RRM1: variants seen among roughly 807,000 people sequenced by gnomAD.
The protein encoded by RRM1 is ribonucleotide reductase catalytic subunit M1, also known as ribonucleoside-diphosphate reductase large subunit.
A neutral mutation model predicts 101.5 loss-of-function variants in RRM1; 19 were observed. The ratio of observed to expected loss-of-function variants is 0.19; its 90% CI spans 0.13 to 0.27. RRM1 has a LOEUF of 0.27. RRM1 is among the 10% of genes least tolerant of loss of function. The pLI, the probability that RRM1 is intolerant of heterozygous loss-of-function variation, is 1.00. For synonymous variants in RRM1, 298 were observed against 323.4 expected, an observed-to-expected ratio of 0.92 and a Z score of 0.84; for missense variants, 500 against 962.9, an observed-to-expected ratio of 0.52 and a Z score of 6.36.
intron 10 of RRM1, 152 bp downstream of exon 10, chr11:4,121,917 T>TGTCTC: frequency 2.6e-6 from 2 of 775,956 alleles, no homozygotes; most frequent in South Asian, 4.3e-5. Context: ...GCTTGTCTTC[T>TGTCTC]TATATTTCTA....
Position 4,109,686 on chromosome 11 carries a change from A to C in RRM1, c.430A>C (p.Asn144His), listed in dbSNP as rs771136863. 2 of 1,607,538 alleles carry C rather than the reference A, an allele frequency of 1.2e-6. No homozygotes were observed. The highest frequency in any genetic ancestry group is 2.7e-5 in the African/African-American group (2 of 74,760). Residue 144 changes from asparagine (N) to histidine (H), a missense_variant, in exon 5 of 19, where the codon AAT becomes CAT. Around this residue, in one of 9 missense-constraint regions of RRM1, gnomAD observed 111 missense variants for 219.8 expected, o/e 0.51. Coordinates refer to ENST00000300738, the MANE Select transcript of RRM1 (RefSeq NM_001033.5). ...AIIYDRDFSYNYFGFKTLERS... is the reference protein window; with the variant it reads ...AIIYDRDFSYHYFGFKTLERS... ...TATCTATGACCGAGATTTCTCTTAC[A>C]ATTACTTCGGCTTTAAGGTAAATAA...
At chr11:4,133,055 TA>T (rs2094603086) in intron 16 of RRM1, among the ~76,000 whole-genome samples, 1 of 152,208 alleles carries the variant, frequency 6.6e-6, no homozygotes, top group Admixed American at 6.5e-5. Context: ...TTAATGAAAA[TA>T]TTTTTTCAGC....
Position 4,094,837 on chromosome 11 carries a change from T to G in RRM1, c.-176T>G. Reference sequence around the variant, plus strand: ...ACGGGTGGCGGGCGCGGGAAGGGGATTTGGATTGTTGCGCCTCTGCTCTGA... The same window carrying G: ...ACGGGTGGCGGGCGCGGGAAGGGGAGTTGGATTGTTGCGCCTCTGCTCTGA... On this transcript the variant is annotated 5_prime_UTR_variant, in exon 1 of 19. Transcript: ENST00000300738. The G allele has an allele frequency of 6.2e-6, 4 of 646,240 alleles. No homozygotes were observed. Among genetic ancestry groups the G allele is most frequent in the Non-Finnish European group, 8.2e-6 (3 of 365,754 alleles). The allele number at this position is 646,240 out of a possible 1,614,324, so 40.0% of individuals were successfully genotyped here.
intron 14 of RRM1, among the ~76,000 whole-genome samples, chr11:4,128,255 G>A (rs916904006): frequency 1.3e-5 from 2 of 150,812 alleles, no homozygotes; most frequent in Non-Finnish European, 2.9e-5. Flanking sequence ...CTGCTTCTCA[G>A]GTTGAAGCAG....
intron 1 of RRM1, among the ~76,000 whole-genome samples, chr11:4,099,991 G>A (rs995703441): frequency 6.6e-6 from 1 of 152,064 alleles, no homozygotes; most frequent in Admixed American, 6.6e-5. Flanking sequence ...TTGCTTTGCA[G>A]TTACCTGCCT....
chr11:4,127,741 G>A (rs1425876148), intron 14 of RRM1, among the ~76,000 whole-genome samples: 1 of 152,182 alleles, frequency 6.6e-6, no homozygotes, highest in Non-Finnish European at 1.5e-5. Context: ...AAATACCTTT[G>A]TCCTCTGGAG....
At chr11:4,111,862 G>C (rs2094566054) in intron 6 of RRM1, 38 bp from the exon 7 acceptor site, 1 of 1,570,222 alleles carries the variant, frequency 6.4e-7, no homozygotes, top group Non-Finnish European at 8.6e-7. Context: ...TACTTTTTCT[G>C]ACGTCTCATC....
chr11:4,108,014 T>C (rs2094560568), intron 4 of RRM1, among the ~76,000 whole-genome samples: 1 of 152,206 alleles, frequency 6.6e-6, no homozygotes. Flanking sequence ...TGCTCATAGA[T>C]GAATATATCT....
At chr11:4,115,828 A>G (rs1168366295) in intron 7 of RRM1, among the ~76,000 whole-genome samples, 1 of 152,046 alleles carries the variant, frequency 6.6e-6, no homozygotes, top group African/African-American at 2.4e-5. Context: ...AAGTGCTGGG[A>G]TTAGAGGTGT....
rs2094552482 is a variant in RRM1, at chr11:4,102,176, T to C, written c.108+95T>C. 1.3e-5 allele frequency: 9 copies of C among 707,592 alleles called. No individual in the cohort carries two copies. In the South Asian group the frequency reaches 1.5e-4, roughly 11 times the overall value. 43.8% of individuals were successfully genotyped at this position (707,592 alleles called of 1,614,324 possible). ...GGACCTTCATTCACCTGATATACTT[T>C]GGTATTCTGGCTATGCCCTTCGATA... is the stretch of plus-strand genomic sequence containing the variant. On this transcript the variant is annotated intron_variant, in intron 2 of 18. Transcript: ENST00000300738.
chr11:4,126,114 G>T (rs549907807), intron 12 of RRM1, among the ~76,000 whole-genome samples: 4 of 152,334 alleles, frequency 2.6e-5, no homozygotes, highest in Admixed American at 2.6e-4. Context: ...GAAATCACTG[G>T]AAGAGCTTTT....
intron 3 of RRM1, 184 bp downstream of exon 3, chr11:4,106,407 T>C: frequency 1.7e-6 from 1 of 592,892 alleles, no homozygotes; most frequent in Non-Finnish European, 3.0e-6. Context: ...GAGACCAGCC[T>C]GGGCAATGTG....
At position 4,133,617 on chromosome 11, in the gene RRM1, G is replaced by C; in HGVS notation, c.1960G>C (p.Glu654Gln). The stretch of plus-strand genomic sequence containing the variant: ...TACCGAGCGGGGCCTATGGCATGAA[G>C]AGATGAAAAACCAGATTATTGCATG... ...DLTERGLWHE[E>Q]MKNQIIACNG... The change falls in exon 17 of 19, where the codon GAG becomes CAG. Residue 654 changes from glutamate (E) to glutamine (Q), a missense_variant. Coordinates refer to ENST00000300738, the MANE Select transcript of RRM1 (RefSeq NM_001033.5). 2 of 1,612,560 alleles carry C rather than the reference G, an allele frequency of 1.2e-6. No individual in the cohort carries two copies. Among genetic ancestry groups the C allele is most frequent in the South Asian group, 2.2e-5 (2 of 90,828 alleles).
chr11:4,128,419 C>G (rs1413455667), intron 14 of RRM1, among the ~76,000 whole-genome samples: 13 of 152,174 alleles, frequency 8.5e-5, no homozygotes, highest in Admixed American at 7.2e-4. Flanking sequence ...GCGTAATCTT[C>G]CTTTTATTTA....
intron 15 of RRM1, among the ~76,000 whole-genome samples, chr11:4,131,255 A>G (rs939196150): frequency 1.2e-4 from 19 of 152,304 alleles, no homozygotes; most frequent in African/African-American, 4.6e-4. Flanking sequence ...TCACTATCTC[A>G]TGAGAACAGC....
chr11:4,117,167 A>G (rs2094574919), intron 7 of RRM1, among the ~76,000 whole-genome samples: 1 of 152,244 alleles, frequency 6.6e-6, no homozygotes, highest in South Asian at 2.1e-4. Context: ...AAGCACTGAT[A>G]AGAATGTGGA....
Position 4,126,829 on chromosome 11 carries a change from C to T in RRM1, c.1466C>T (p.Pro489Leu). 1 of 1,606,868 alleles carries T rather than the reference C, an allele frequency of 6.2e-7. No individual in the cohort carries two copies. Among genetic ancestry groups the T allele is most frequent in the Non-Finnish European group, 8.5e-7 (1 of 1,176,038 alleles). ...ATTGATATAAACTACTATCCTGTAC[C>T]AGAGGTATGAATAGATTTCTCTGCT... The part of the protein sequence containing the change: ...KIIDINYYPV[P>L]EACLSNKRHR... The change falls in exon 13 of 19, where the codon CCA (proline) becomes CTA (leucine). Residue 489 changes from proline to leucine, a missense_variant. By Grantham distance (98) the Pro-to-Leu change is moderately conservative. Around this residue, in one of 9 missense-constraint regions of RRM1, gnomAD observed 106 missense variants for 138.1 expected, o/e 0.77. Coordinates refer to ENST00000300738, the MANE Select transcript of RRM1 (RefSeq NM_001033.5).
At chr11:4,096,563 T>G (rs533066069) in intron 1 of RRM1, among the ~76,000 whole-genome samples, 2 of 152,352 alleles carry the variant, frequency 1.3e-5, no homozygotes, top group East Asian at 3.9e-4. Flanking sequence ...CTAGCTCACA[T>G]TTTAGCTGAC....
chr11:4,099,949 C>A (rs529734072), intron 1 of RRM1, among the ~76,000 whole-genome samples: 1 of 152,052 alleles, frequency 6.6e-6, no homozygotes, highest in Non-Finnish European at 1.5e-5. Flanking sequence ...GCTTTCCCCC[C>A]CCACTGCATG....
Sources: gnomAD v4.1 joint callset for allele counts (sites outside exome capture counted in the v4.1 genomes callset) on GRCh38, gnomAD v4.1.1 for gene constraint, gnomAD v4.1.1 regional missense constraint, MANE v1.5 for transcripts, NCBI Gene and HGNC (gene_info 2026-07-23, HGNC 2026-07-21) for gene names.